CA4: variants seen among roughly 807,000 people sequenced by gnomAD.
CA4 encodes the protein CA-IV.
In CA4, 24 loss-of-function variants were observed where a neutral mutation model predicts 34.5. The observed-to-expected ratio is 0.70, with a 90% CI of 0.50 to 0.98. The LOEUF is 0.98. Ranked by LOEUF, CA4 falls within the 50% of genes least tolerant of loss-of-function variation. The pLI is 0.00. For missense variants in CA4, 394 were observed against 396.7 expected (o/e 0.99, Z 0.06); for synonymous variants, 178 against 170.6 (o/e 1.04, Z -0.34).
chr17:60,178,189 A>G, the CA4 span, among the ~76,000 whole-genome samples: 1 of 152,176 alleles, frequency 6.6e-6, no homozygotes, highest in African/African-American at 2.4e-5. Flanking sequence ...TGAACTCCTA[A>G]TGTCTGGGAT....
the CA4 span, among the ~76,000 whole-genome samples, chr17:60,178,120 C>T: frequency 2.0e-5 from 3 of 152,066 alleles, no homozygotes; most frequent in African/African-American, 7.3e-5. Flanking sequence ...AGTGGACATG[C>T]AAACAAAGCA....
downstream of CA4, among the ~76,000 whole-genome samples, chr17:60,164,370 G>T (rs7216612): frequency 0.24 from 32,740 of 136,086 alleles, 6,579 homozygotes; most frequent in African/African-American, 0.57. Flanking sequence ...CTGTCTGTCT[G>T]TCTTTCTTTC....
intron 7 of CA4, 122 bp downstream of exon 7, chr17:60,158,568 T>C (rs755846131): frequency 3.8e-5 from 36 of 952,946 alleles, no homozygotes; most frequent in Non-Finnish European, 5.6e-5. Context: ...TGAAGTCCGT[T>C]GTTAATCATC....
intron 2 of CA4, 127 bp downstream of exon 2, chr17:60,155,494 A>G: frequency 1.5e-6 from 1 of 655,680 alleles, no homozygotes; most frequent in Non-Finnish European, 2.7e-6. Context: ...ATCAGTTCCC[A>G]GCATACACAC....
downstream of CA4, among the ~76,000 whole-genome samples, chr17:60,163,236 C>T (rs547367398): frequency 3.9e-5 from 6 of 152,072 alleles, no homozygotes; most frequent in South Asian, 2.1e-4. Context: ...TGCAGGCTGC[C>T]GTGTCTTAAA....
downstream of CA4, among the ~76,000 whole-genome samples, chr17:60,174,384 C>G (rs1335951307): frequency 6.7e-6 from 1 of 150,194 alleles, no homozygotes; most frequent in African/African-American, 2.5e-5. Flanking sequence ...ATCTGGGTTT[C>G]TGGCTTCTCT....
In CA4 at chr17:60,158,510, G is replaced by C. The variant is rs143727489; in HGVS notation, c.744+64G>C. On this transcript the variant is annotated intron_variant, in intron 7 of 7. Transcript: ENST00000300900. Reference sequence around the variant, plus strand: ...CTGGCTCCCCAGAAATTATCCCTCTGTCTGCCCTCAGAGGTCCCTCAGGAT... The same window carrying C: ...CTGGCTCCCCAGAAATTATCCCTCTCTCTGCCCTCAGAGGTCCCTCAGGAT... 1.4e-4 allele frequency: 218 copies of C among 1,549,946 alleles called. No homozygotes were observed. The African/African-American group carries it at 2.4e-3, about 17-fold the overall frequency.
chr17:60,177,990 T>C, the CA4 span, among the ~76,000 whole-genome samples: 1 of 152,038 alleles, frequency 6.6e-6, no homozygotes, highest in African/African-American at 2.4e-5. Flanking sequence ...CTGAAATAAA[T>C]AATATTTATA....
At chr17:60,169,574 T>C (rs1051765234) in intron 5 of CA4, among the ~76,000 whole-genome samples, 1 of 152,066 alleles carries the variant, frequency 6.6e-6, no homozygotes, top group Non-Finnish European at 1.5e-5. Context: ...CTGCAACCTC[T>C]GCCTCCTGGG....
intron 1 of CA4, among the ~76,000 whole-genome samples, chr17:60,154,814 T>A (rs866718194): frequency 1.3e-5 from 2 of 152,254 alleles, no homozygotes; most frequent in South Asian, 2.1e-4. Flanking sequence ...TAACACAGGG[T>A]GAGACATTCT....
At chr17:60,154,131 GC>G (rs1688273442) in intron 1 of CA4, among the ~76,000 whole-genome samples, 2 of 151,696 alleles carry the variant, frequency 1.3e-5, no homozygotes, top group African/African-American at 4.8e-5. Context: ...TGGGAACCGT[GC>G]TTTTCTTAGG....
the CA4 span, among the ~76,000 whole-genome samples, chr17:60,178,382 T>G: frequency 6.6e-6 from 1 of 152,214 alleles, no homozygotes; most frequent in Non-Finnish European, 1.5e-5. Context: ...AACAGGTGCA[T>G]GTGAAGATGG....
At chr17:60,174,464 T>C (rs893595822), downstream of CA4, among the ~76,000 whole-genome samples, 4 of 151,548 alleles carry the variant, frequency 2.6e-5, no homozygotes, top group African/African-American at 9.8e-5. Flanking sequence ...AGGACAACAG[T>C]CACATGGAGC....
chr17:60,170,656 G>A (rs345163), exon 6 of CA4: 30,351 of 152,234 alleles, frequency 0.2, 7,360 homozygotes, highest in African/African-American at 0.58. Flanking sequence ...TCCAGGAAGA[G>A]GAGGAGGAGC....
intron 5 of CA4, 61 bp downstream of exon 5, chr17:60,157,849 C>G: frequency 1.3e-6 from 2 of 1,548,996 alleles, no homozygotes; most frequent in Non-Finnish European, 1.8e-6. Context: ...TCTTAGGATT[C>G]AGAGACCTGG....
intron 1 of CA4, among the ~76,000 whole-genome samples, chr17:60,154,256 G>GGGGGGGGGGGGGTT (rs2083640565): frequency 6.6e-6 from 1 of 150,816 alleles, no homozygotes; most frequent in African/African-American, 2.4e-5. Flanking sequence ...TGGGAGGGGT[G>GGGGGGGGGGGGGTT]GGGGGGAGGG....
intron 2 of CA4, among the ~76,000 whole-genome samples, chr17:60,156,262 A>G (rs778461164): frequency 6.6e-6 from 1 of 152,168 alleles, no homozygotes; most frequent in Non-Finnish European, 1.5e-5. Flanking sequence ...CCACCTCATG[A>G]AGTTGTCCCT....
At chr17:60,157,383 T>C (rs2083706795) in intron 3 of CA4, 44 bp from the exon 4 acceptor site, 1 of 1,601,440 alleles carries the variant, frequency 6.2e-7, no homozygotes, top group Non-Finnish European at 8.5e-7. Flanking sequence ...TAGAGGAGGC[T>C]GAGGGAGGCT....
chr17:60,161,097 G>T (rs1463877364), downstream of CA4, among the ~76,000 whole-genome samples: 7 of 152,204 alleles, frequency 4.6e-5, no homozygotes, highest in African/African-American at 1.4e-4. Flanking sequence ...GCTCATGGGG[G>T]TGTCCAAGGG....
Sources: gnomAD v4.1 joint callset for allele counts (sites outside exome capture counted in the v4.1 genomes callset) on GRCh38, gnomAD v4.1.1 for gene constraint, MANE v1.5 for transcripts, NCBI Gene and HGNC (gene_info 2026-07-23, HGNC 2026-07-21) for gene names.